The following CACHD1 variants were observed in gnomAD, a reference collection of about 807,000 sequenced individuals.
The protein encoded by CACHD1 is VWFA and cache domain-containing protein 1.
Under a neutral mutation model 138.7 loss-of-function variants are expected in CACHD1, and 71 were observed. The observed-to-expected ratio is 0.51, with a 90% CI of 0.42 to 0.62. The LOEUF is 0.62. CACHD1 is among the 20% of genes least tolerant of loss of function. The pLI, the probability that CACHD1 is intolerant of heterozygous loss-of-function variation, is 0.00. For missense variants in CACHD1, 1,389 were observed against 1,625.3 expected (o/e 0.85, Z 2.50); for synonymous variants, 578 against 591.5 (o/e 0.98, Z 0.33).
At chr1:64,502,571 C>T (rs541304356) in intron 1 of CACHD1, among the ~76,000 whole-genome samples, 2 of 151,994 alleles carry the variant, frequency 1.3e-5, no homozygotes, top group Admixed American at 6.6e-5. Flanking sequence ...TGTGTGTGTG[C>T]ATGTGTGTTG....
intron 1 of CACHD1, among the ~76,000 whole-genome samples, chr1:64,509,975 A>G (rs1646406987): frequency 6.6e-6 from 1 of 152,232 alleles, no homozygotes; most frequent in Non-Finnish European, 1.5e-5. Context: ...AACATGCCCC[A>G]CATACATACA....
Position 64,656,698 on chromosome 1 carries a change from G to A in CACHD1, c.1782+1895G>A, listed in dbSNP as rs185360190. Among the ~76,000 whole-genome samples, 404 of 152,080 alleles carry A rather than the reference G, an allele frequency of 2.7e-3. 13 individuals are homozygous for A. Among genetic ancestry groups the A allele is most frequent in the Non-Finnish European group, 1.1e-3 (76 of 67,994 alleles). ...GGTAGTAATCAGGTAGTCACTTCAG[G>A]TAGCAGTGTTAGCTTTCTCTGAGTT... On this transcript the variant is annotated intron_variant, in intron 12 of 26. Coordinates refer to ENST00000651257, the MANE Select transcript of CACHD1 (RefSeq NM_020925.4).
intron 1 of CACHD1, among the ~76,000 whole-genome samples, chr1:64,495,676 A>C (rs933360744): frequency 7.6e-6 from 1 of 131,950 alleles, no homozygotes; most frequent in Non-Finnish European, 1.6e-5. Flanking sequence ...ATTTGACTCC[A>C]AGCTAAGAGA....
intron 1 of CACHD1, among the ~76,000 whole-genome samples, chr1:64,502,528 G>C (rs887464977): frequency 1.3e-5 from 2 of 151,452 alleles, no homozygotes; most frequent in African/African-American, 2.5e-5. Flanking sequence ...CCCTCTCTCT[G>C]TGTGTGTATG....
At chr1:64,658,161 G>A (rs1451125494) in intron 12 of CACHD1, among the ~76,000 whole-genome samples, 1 of 152,212 alleles carries the variant, frequency 6.6e-6, no homozygotes, top group African/African-American at 2.4e-5. Context: ...AAGTAGTGAT[G>A]TTGGTCATTT....
chr1:64,569,595 AC>A (rs1213156926), intron 2 of CACHD1, among the ~76,000 whole-genome samples: 1 of 152,180 alleles, frequency 6.6e-6, no homozygotes, highest in Non-Finnish European at 1.5e-5. Flanking sequence ...GCAGGAAGAG[AC>A]ATGTAAGCTC....
At chr1:64,687,340 C>T (rs1650402293) in intron 26 of CACHD1, among the ~76,000 whole-genome samples, 1 of 152,142 alleles carries the variant, frequency 6.6e-6, no homozygotes, top group Admixed American at 6.5e-5. Flanking sequence ...ACTTGCTATT[C>T]CCTTCTCCCC....
intron 4 of CACHD1, among the ~76,000 whole-genome samples, chr1:64,617,151 CAAAACAAAACA>C (rs1647740908): frequency 2.8e-5 from 1 of 36,174 alleles, no homozygotes; most frequent in African/African-American, 6.6e-5. Context: ...AAAAACAAAA[CAAAACAAAACA>C]AAAAAAAAAA....
intron 2 of CACHD1, among the ~76,000 whole-genome samples, chr1:64,557,911 G>T (rs558547859): frequency 6.6e-6 from 1 of 152,202 alleles, no homozygotes; most frequent in East Asian, 1.9e-4. Flanking sequence ...CAGTTCTTCT[G>T]CCTCAGCCTC....
intron 1 of CACHD1, among the ~76,000 whole-genome samples, chr1:64,528,848 T>A (rs1184709418): frequency 6.6e-6 from 1 of 152,124 alleles, no homozygotes. Flanking sequence ...TTTTTTCCAT[T>A]TAAAAAATAT....
chr1:64,483,499 A>G (rs1646223219), intron 1 of CACHD1, among the ~76,000 whole-genome samples: 1 of 151,990 alleles, frequency 6.6e-6, no homozygotes, highest in Non-Finnish European at 1.5e-5. Flanking sequence ...TATACATTGT[A>G]AATTTTGAGT....
At chr1:64,647,760 C>A in intron 8 of CACHD1, 41 bp from the exon 9 acceptor site, 2 of 1,564,312 alleles carry the variant, frequency 1.3e-6, no homozygotes, top group South Asian at 1.1e-5. Flanking sequence ...GGATATAAAC[C>A]ATTTTGCTTT....
chr1:64,574,234 A>ACT lies in CACHD1; in HGVS notation c.262-7922_262-7921insCT, dbSNP rs760675767. Among the ~76,000 whole-genome samples the ACT allele has an allele frequency of 3.0e-4, 46 of 152,216 alleles. 1 individual carries two copies. Among genetic ancestry groups the ACT allele is most frequent in the Admixed American group, 2.1e-3 (32 of 15,282 alleles). On this transcript the variant is annotated intron_variant, in intron 2 of 26. Coordinates refer to ENST00000651257, the MANE Select transcript of CACHD1 (RefSeq NM_020925.4). ...CCTTTACTCAGCACGAGCTTGGGCA[A>ACT]ACCACTGAGCCTCGATTTCCTTGAT...
At chr1:64,662,695 G>A (rs887210037) in intron 13 of CACHD1, among the ~76,000 whole-genome samples, 8 of 152,168 alleles carry the variant, frequency 5.3e-5, no homozygotes, top group African/African-American at 1.9e-4. Flanking sequence ...CAAAGACGAA[G>A]ATTTAGTGTT....
At chr1:64,542,304 T>C (rs1646683137) in intron 1 of CACHD1, among the ~76,000 whole-genome samples, 1 of 152,200 alleles carries the variant, frequency 6.6e-6, no homozygotes, top group Admixed American at 6.5e-5. Context: ...GTCTATTGTG[T>C]CACTGATGCA....
intron 1 of CACHD1, among the ~76,000 whole-genome samples, chr1:64,494,688 T>C (rs1311082752): frequency 6.6e-6 from 1 of 152,182 alleles, no homozygotes; most frequent in African/African-American, 2.4e-5. Flanking sequence ...CTTAAATTGC[T>C]AGGAAAGGGG....
intron 6 of CACHD1, 49 bp downstream of exon 6, chr1:64,632,792 C>A: frequency 6.2e-7 from 1 of 1,602,806 alleles, no homozygotes; most frequent in Non-Finnish European, 8.5e-7. Context: ...TCCTTGAATG[C>A]CTTTTTTAAA....
intron 1 of CACHD1, among the ~76,000 whole-genome samples, chr1:64,543,427 T>TATATATATATATATA (rs1646693613): frequency 1.5e-5 from 1 of 68,382 alleles, no homozygotes; most frequent in Non-Finnish European, 3.1e-5. Flanking sequence ...ATATATATAT[T>TATATATATATATATA]TAAATTAGCC....
chr1:64,681,167 C>G, intron 24 of CACHD1, 91 bp from the exon 25 acceptor site: 2 of 880,344 alleles, frequency 2.3e-6, no homozygotes, highest in Non-Finnish European at 3.7e-6. Flanking sequence ...ATGCTGTCAC[C>G]CAGCCATCAA....
Sources: allele counts gnomAD v4.1 joint callset (sites outside exome capture counted in the v4.1 genomes callset), GRCh38; gene constraint gnomAD v4.1.1; transcripts MANE v1.5; gene names NCBI Gene and HGNC (gene_info 2026-07-23, HGNC 2026-07-21).